Variants in GABRG3 observed in about 807,000 individuals in gnomAD.
GABRG3 encodes the protein gamma-aminobutyric acid type A receptor subunit gamma3, also known as gamma-aminobutyric acid receptor subunit gamma-3.
In GABRG3, 25 loss-of-function variants were observed where a neutral mutation model predicts 48.8. The ratio of observed to expected loss-of-function variants is 0.51; its 90% CI spans 0.37 to 0.72. The LOEUF (loss-of-function observed/expected upper bound fraction) is 0.72. Among genes scored for constraint, GABRG3 ranks in the 30% least tolerant of loss-of-function variants. GABRG3 has a pLI of 0.00. For synonymous variants in GABRG3, 227 were observed against 217.6 expected, an observed-to-expected ratio of 1.04 and a Z score of -0.38; for missense variants, 394 against 577.9, an observed-to-expected ratio of 0.68 and a Z score of 3.26.
At chr15:27,006,831 C>G (rs997247825) in intron 2 of GABRG3, among the ~76,000 whole-genome samples, 2 of 147,356 alleles carry the variant, frequency 1.4e-5, no homozygotes, top group Non-Finnish European at 3.0e-5. Flanking sequence ...AGGACATGAT[C>G]TCGTTTGTTT....
intron 3 of GABRG3, among the ~76,000 whole-genome samples, chr15:27,069,735 A>T (rs1896796458): frequency 6.6e-6 from 1 of 152,262 alleles, no homozygotes; most frequent in African/African-American, 2.4e-5. Flanking sequence ...CACTAGTATT[A>T]TCAGGAAAAG....
At chr15:27,525,393 T>C (rs768121484) in intron 7 of GABRG3, among the ~76,000 whole-genome samples, 1 of 152,174 alleles carries the variant, frequency 6.6e-6, no homozygotes, top group Non-Finnish European at 1.5e-5. Flanking sequence ...TGAAGTCCTT[T>C]GTGCTTTCCC....
intron 5 of GABRG3, among the ~76,000 whole-genome samples, chr15:27,426,768 G>A (rs1340597596): frequency 6.6e-6 from 1 of 152,210 alleles, no homozygotes; most frequent in Non-Finnish European, 1.5e-5. Flanking sequence ...AGGCTGTAGT[G>A]AGGTATGATG....
intron 3 of GABRG3, among the ~76,000 whole-genome samples, chr15:27,199,926 T>A (rs1471180977): frequency 6.6e-6 from 1 of 151,558 alleles, no homozygotes; most frequent in Non-Finnish European, 1.5e-5. Context: ...CAGCCATTTC[T>A]CTTTCCCTTC....
In GABRG3 at chr15:27,154,234, T is replaced by A. The variant is rs567360137; in HGVS notation, c.270+127413T>A. Among the ~76,000 whole-genome samples the A allele has an allele frequency of 7.9e-5, 12 of 152,328 alleles. No individual in the cohort carries two copies. The South Asian group carries it at 2.5e-3, about 32-fold the overall frequency. On this transcript the variant is annotated intron_variant, in intron 3 of 9. Coordinates refer to ENST00000615808, the MANE Select transcript of GABRG3 (RefSeq NM_033223.5). Reference sequence around the variant, plus strand: ...GCATGGTGTAGCAAGAGGGGAAATTTATATTATCTTATGATCAAATCTGTC... The same window carrying A: ...GCATGGTGTAGCAAGAGGGGAAATTAATATTATCTTATGATCAAATCTGTC...
intron 5 of GABRG3, among the ~76,000 whole-genome samples, chr15:27,451,051 A>T (rs1889096344): frequency 6.6e-6 from 1 of 152,200 alleles, no homozygotes; most frequent in Non-Finnish European, 1.5e-5. Context: ...TAAATGAAAA[A>T]ATACCCCATG....
At chr15:27,127,615 A>G (rs1897843963) in intron 3 of GABRG3, among the ~76,000 whole-genome samples, 2 of 152,148 alleles carry the variant, frequency 1.3e-5, no homozygotes, top group African/African-American at 2.4e-5. Flanking sequence ...ATACCAACGA[A>G]CAGAATGCCA....
chr15:27,082,472 A>C (rs1181192507), intron 3 of GABRG3, among the ~76,000 whole-genome samples: 1 of 152,180 alleles, frequency 6.6e-6, no homozygotes, highest in African/African-American at 2.4e-5. Flanking sequence ...AAAATTCTGC[A>C]GGCAATGTTT....
chr15:27,436,805 G>A (rs1269088128), intron 5 of GABRG3, among the ~76,000 whole-genome samples: 1 of 152,046 alleles, frequency 6.6e-6, no homozygotes, highest in Non-Finnish European at 1.5e-5. Context: ...GGCAAGAAAA[G>A]AACAGAGAAC....
intron 3 of GABRG3, among the ~76,000 whole-genome samples, chr15:27,057,238 T>C (rs1016239311): frequency 6.6e-6 from 1 of 152,200 alleles, no homozygotes; most frequent in Non-Finnish European, 1.5e-5. Flanking sequence ...CTGCTTCTTG[T>C]GCCCATTGTG....
chr15:27,171,109 G>A (rs1438371916), intron 3 of GABRG3, among the ~76,000 whole-genome samples: 2 of 152,178 alleles, frequency 1.3e-5, no homozygotes, highest in Non-Finnish European at 2.9e-5. Context: ...TCACAGCCAT[G>A]ATGCTCAGGT....
intron 3 of GABRG3, among the ~76,000 whole-genome samples, chr15:27,312,994 CTTTATA>C (rs1032264233): frequency 1.3e-5 from 2 of 148,704 alleles, no homozygotes; most frequent in Non-Finnish European, 3.0e-5. Context: ...AATGGTCTCA[CTTTATA>C]TTTAAAGACA....
intron 3 of GABRG3, chr15:27,271,583 A>G: frequency 2.4e-6 from 1 of 422,898 alleles, no homozygotes; most frequent in Non-Finnish European, 4.7e-6. Flanking sequence ...GCTGCTGGGT[A>G]TGCAACCTAG....
intron 5 of GABRG3, among the ~76,000 whole-genome samples, chr15:27,431,091 A>G (rs1406816225): frequency 1.3e-5 from 2 of 150,872 alleles, no homozygotes; most frequent in Non-Finnish European, 2.9e-5. Context: ...TTACTTGTCT[A>G]TCCATCTATC....
At chr15:27,095,464 G>GGTGGTCGCCGTATCATTAAAAAAT (rs1897254559) in intron 3 of GABRG3, among the ~76,000 whole-genome samples, 1 of 149,312 alleles carries the variant, frequency 6.7e-6, no homozygotes, top group African/African-American at 2.4e-5. Flanking sequence ...TGTAGGTCTC[G>GGTGGTCGCCGTATCATTAAAAAAT]GTCTCCACAT....
chr15:27,455,622 G>A (rs1280706907), intron 5 of GABRG3, among the ~76,000 whole-genome samples: 2 of 148,854 alleles, frequency 1.3e-5, no homozygotes, highest in East Asian at 4.0e-4. Flanking sequence ...TATGTGCATG[G>A]TATATGTATG....
chr15:27,196,664 C>T (rs1220405755), intron 3 of GABRG3, among the ~76,000 whole-genome samples: 1 of 152,124 alleles, frequency 6.6e-6, no homozygotes, highest in Non-Finnish European at 1.5e-5. Flanking sequence ...TGTGTTATGT[C>T]CTAATAGACA....
At chr15:27,058,562 C>A (rs1449044676) in intron 3 of GABRG3, among the ~76,000 whole-genome samples, 1 of 151,702 alleles carries the variant, frequency 6.6e-6, no homozygotes, top group Non-Finnish European at 1.5e-5. Context: ...TATAAATTCC[C>A]AACTGTCCGG....
At chr15:27,308,732 CAT>C (rs946815004) in intron 3 of GABRG3, among the ~76,000 whole-genome samples, 1 of 149,314 alleles carries the variant, frequency 6.7e-6, no homozygotes, top group Non-Finnish European at 1.5e-5. Context: ...ATAATGTAAA[CAT>C]ACGTTTATAT....
Sources: gnomAD v4.1 joint callset for allele counts (sites outside exome capture counted in the v4.1 genomes callset) on GRCh38, gnomAD v4.1.1 for gene constraint, MANE v1.5 for transcripts, NCBI Gene and HGNC (gene_info 2026-07-23, HGNC 2026-07-21) for gene names.